HACD1: variants seen among roughly 807,000 people sequenced by gnomAD.
HACD1 encodes the protein 3-hydroxyacyl-CoA dehydratase 1.
In HACD1, 41 loss-of-function variants were observed where a neutral mutation model predicts 32.0. The ratio of observed to expected loss-of-function variants is 1.28; its 90% CI spans 1.00 to 1.66. The LOEUF is 1.66. Ranked by LOEUF, HACD1 falls within the 40% of genes most tolerant of loss-of-function variation. The probability of loss-of-function intolerance (pLI) is 0.00; values close to 1 mark genes in which losing one functional copy is unlikely to be tolerated. For missense variants in HACD1, 396 were observed against 380.1 expected, an observed-to-expected ratio of 1.04 and a Z score of -0.35; for synonymous variants, 142 against 139.0, an observed-to-expected ratio of 1.02 and a Z score of -0.15.
In HACD1 at chr10:17,617,186, C is replaced by A. The variant is rs1447660901; in HGVS notation, c.154G>T (p.Ala52Ser). The A allele has an allele frequency of 2.0e-6, 3 of 1,503,060 alleles. No individual in the cohort carries two copies. The highest frequency in any genetic ancestry group is 2.1e-5 in the Admixed American group (1 of 47,460). The allele number at this position is 1,503,060 out of a possible 1,614,324, so 93.1% of individuals were successfully genotyped here. Residue 52 changes from alanine to serine, a missense_variant, in exon 1 of 7, where the codon GCC becomes TCC. Physicochemically the swap from Ala to Ser is moderately conservative, Grantham distance 99. Coordinates refer to ENST00000361271, the MANE Select transcript of HACD1 (RefSeq NM_014241.4). ...SSDEDGTNGG[A>S]SEAGEDREAP... ...TCCCGGTCCTCGCCGGCCTCCGAGG[C>A]GCCGCCGTTGGTGCCGTCCTCGTCG... is the stretch of plus-strand genomic sequence containing the variant.
chr10:17,595,391 C>G (rs758389173), intron 5 of HACD1, among the ~76,000 whole-genome samples: 1 of 152,120 alleles, frequency 6.6e-6, no homozygotes, highest in African/African-American at 2.4e-5. Flanking sequence ...TTGCAGAAAA[C>G]TGATAATACC....
chr10:17,599,374 GC>G lies in HACD1; in HGVS notation c.520del (p.Ala174ArgfsTer4). 2.5e-6 allele frequency: 4 copies of G among 1,613,764 alleles called. No homozygotes were observed. Among genetic ancestry groups the G allele is most frequent in the Non-Finnish European group, 2.5e-6 (3 of 1,179,944 alleles). On this transcript the variant is annotated frameshift_variant, in exon 5 of 7. Coordinates refer to ENST00000361271, the MANE Select transcript of HACD1 (RefSeq NM_014241.4). LOFTEE classifies it high-confidence loss of function. ...NEESVVLFLV[A>X]WTVTEITRYS... The stretch of plus-strand genomic sequence containing the variant: ...GCGAGTGATCTCTGTCACAGTCCAC[GC>G]GACCAGAAAAAGCACCACACTCTCT...
chr10:17,591,340 C>T (rs547551574), intron 6 of HACD1, among the ~76,000 whole-genome samples: 2 of 152,272 alleles, frequency 1.3e-5, no homozygotes, highest in East Asian at 3.9e-4. Context: ...CAGATGCATG[C>T]TCATTGCCCT....
intron 6 of HACD1, among the ~76,000 whole-genome samples, chr10:17,590,857 T>G (rs538272505): frequency 3.9e-5 from 6 of 152,092 alleles, no homozygotes; most frequent in African/African-American, 1.2e-4. Flanking sequence ...CTGTTTTTAG[T>G]AGAGATGGGA....
At chr10:17,613,192 T>TA (rs1833019008) in intron 1 of HACD1, among the ~76,000 whole-genome samples, 2 of 150,658 alleles carry the variant, frequency 1.3e-5, no homozygotes, top group Admixed American at 1.3e-4. Flanking sequence ...AGGCTGGTCT[T>TA]AAACTACTGG....
intron 4 of HACD1, among the ~76,000 whole-genome samples, chr10:17,602,082 T>TTC (rs1467834382): frequency 1.4e-4 from 21 of 151,778 alleles, no homozygotes; most frequent in Middle Eastern, 3.4e-3. Flanking sequence ...ATTTTTTTTT[T>TTC]TTTTTGAGAT....
intron 1 of HACD1, among the ~76,000 whole-genome samples, chr10:17,606,606 G>A (rs1178619893): frequency 6.6e-6 from 1 of 152,146 alleles, no homozygotes; most frequent in Non-Finnish European, 1.5e-5. Flanking sequence ...AAAGATTCCT[G>A]CAAAGAATCT....
chr10:17,597,943 G>T (rs551759393), intron 5 of HACD1, among the ~76,000 whole-genome samples: 24 of 152,214 alleles, frequency 1.6e-4, no homozygotes, highest in Admixed American at 3.9e-4. Flanking sequence ...AAAAGAGCTA[G>T]AGAATATTAA....
At chr10:17,606,534 A>C (rs1048432055) in intron 1 of HACD1, among the ~76,000 whole-genome samples, 1 of 152,236 alleles carries the variant, frequency 6.6e-6, no homozygotes, top group Non-Finnish European at 1.5e-5. Flanking sequence ...GAAATATAAA[A>C]TTATCATGCA....
intron 4 of HACD1, 86 bp downstream of exon 4, chr10:17,603,474 A>C: frequency 7.9e-7 from 1 of 1,263,656 alleles, no homozygotes; most frequent in Non-Finnish European, 1.1e-6. Flanking sequence ...CCACCTCCTG[A>C]AATATACAAA....
At chr10:17,602,222 A>C (rs1433779629) in intron 4 of HACD1, among the ~76,000 whole-genome samples, 1 of 152,012 alleles carries the variant, frequency 6.6e-6, no homozygotes, top group East Asian at 1.9e-4. Flanking sequence ...GGCGCCCGCC[A>C]CCACATCTGG....
intron 1 of HACD1, among the ~76,000 whole-genome samples, chr10:17,609,167 T>C (rs1159049604): frequency 6.6e-6 from 1 of 150,840 alleles, no homozygotes; most frequent in East Asian, 1.9e-4. Flanking sequence ...TTTTTTTTTT[T>C]TTTTTGAGAC....
At chr10:17,598,259 CAAAAAAAA>C (rs34543137) in intron 5 of HACD1, among the ~76,000 whole-genome samples, 2 of 89,850 alleles carry the variant, frequency 2.2e-5, no homozygotes, top group Admixed American at 1.3e-4. Context: ...GACCCTGTCT[CAAAAAAAA>C]AAAAAAAAAA....
intron 1 of HACD1, among the ~76,000 whole-genome samples, chr10:17,612,920 CAAA>C (rs67797913): frequency 1.6e-5 from 2 of 125,480 alleles, no homozygotes; most frequent in Non-Finnish European, 1.7e-5. Flanking sequence ...GACTCCGTCT[CAAA>C]AAAAAAAAAA....
At chr10:17,592,070 C>T (rs1833936231) in intron 6 of HACD1, among the ~76,000 whole-genome samples, 2 of 148,406 alleles carry the variant, frequency 1.3e-5, no homozygotes, top group Admixed American at 6.9e-5. Context: ...CAACCTCTGC[C>T]TCCCCGGTTT....
intron 1 of HACD1, among the ~76,000 whole-genome samples, chr10:17,606,322 C>T (rs924582070): frequency 1.4e-4 from 22 of 152,222 alleles, no homozygotes; most frequent in Admixed American, 3.3e-4. Flanking sequence ...CCAGCTTTCT[C>T]ATACTACTTC....
Position 17,603,549 on chromosome 10 carries a change from G to T in HACD1, c.483+11C>A. 6.3e-7 allele frequency: 1 copy of T among 1,586,924 alleles called. No individual in the cohort carries two copies. Among genetic ancestry groups the T allele is most frequent in the Non-Finnish European group, 8.6e-7 (1 of 1,156,652 alleles). Reference sequence around the variant, plus strand: ...GCAGGCTCAAGTAGACAACATGTTTGTGTCACTTACTGGTTTTATACTGTG... The same window carrying T: ...GCAGGCTCAAGTAGACAACATGTTTTTGTCACTTACTGGTTTTATACTGTG... On this transcript the variant is annotated intron_variant, in intron 4 of 6. Coordinates refer to ENST00000361271, the MANE Select transcript of HACD1 (RefSeq NM_014241.4).
intron 2 of HACD1, 85 bp from the exon 3 acceptor site, chr10:17,603,829 A>G: frequency 6.7e-7 from 1 of 1,481,912 alleles, no homozygotes; most frequent in Non-Finnish European, 9.4e-7. Flanking sequence ...CAGCAAATCC[A>G]TAGGTGGTAT....
chr10:17,605,527 G>GAA (rs200314155), intron 1 of HACD1, among the ~76,000 whole-genome samples: 3 of 126,548 alleles, frequency 2.4e-5, no homozygotes, highest in Admixed American at 8.2e-5. Flanking sequence ...TCCATCTCGG[G>GAA]AAAAAAAAAA....
Sources: gnomAD v4.1 joint callset for allele counts (sites outside exome capture counted in the v4.1 genomes callset) on GRCh38, gnomAD v4.1.1 for gene constraint, MANE v1.5 for transcripts, NCBI Gene and HGNC (gene_info 2026-07-23, HGNC 2026-07-21) for gene names.